The following DSG3 variants were observed in gnomAD, a reference collection of about 807,000 sequenced individuals.
DSG3 encodes desmoglein 3.
A neutral mutation model predicts 85.9 loss-of-function variants in DSG3; 63 were observed. That is an observed-to-expected ratio of 0.73 (90% confidence interval 0.60 to 0.90). DSG3 has a LOEUF of 0.90. Among genes scored for constraint, DSG3 ranks in the 40% least tolerant of loss-of-function variants. The pLI is 0.00. For missense variants in DSG3, 1,220 were observed against 1,219.9 expected (o/e 1.00, Z 0.00); for synonymous variants, 447 against 441.9 (o/e 1.01, Z -0.14).
chr18:31,453,221 T>C (rs2072721732), intron 1 of DSG3, among the ~76,000 whole-genome samples: 1 of 152,214 alleles, frequency 6.6e-6, no homozygotes, highest in Non-Finnish European at 1.5e-5. Context: ...AAATCATGTT[T>C]AAAATTTGGA....
rs185671499 is a variant in DSG3, at chr18:31,470,246, A to G, written c.1897+897A>G. ...CACAGTTTTAGAGTTAAAATTAATT[A>G]TATGATTATTAATTTTAAAACCACA... On this transcript the variant is annotated intron_variant, in intron 12 of 15. Coordinates refer to ENST00000257189, the MANE Select transcript of DSG3 (RefSeq NM_001944.3). 1.0e-3 allele frequency among the ~76,000 whole-genome samples: 158 copies of G among 152,284 alleles called. 1 individual carries two copies. Among genetic ancestry groups the G allele is most frequent in the African/African-American group, 3.8e-3 (156 of 41,590 alleles).
intron 1 of DSG3, among the ~76,000 whole-genome samples, chr18:31,450,646 G>C (rs1003334144): frequency 1.5e-4 from 23 of 152,256 alleles, no homozygotes; most frequent in African/African-American, 5.1e-4. Flanking sequence ...AGAAATAATA[G>C]CAAAGTCATA....
chr18:31,472,864 A>G, intron 14 of DSG3, 76 bp downstream of exon 14: 1 of 1,331,024 alleles, frequency 7.5e-7, no homozygotes, highest in Non-Finnish European at 1.1e-6. Context: ...TGTTCAAACT[A>G]TCTTCTTAAT....
At chr18:31,458,275 G>A (rs932757201) in intron 3 of DSG3, among the ~76,000 whole-genome samples, 170 bp from the exon 4 acceptor site, 3 of 152,028 alleles carry the variant, frequency 2.0e-5, no homozygotes, top group African/African-American at 7.2e-5. Context: ...CAAAAACAAC[G>A]GTTTGATTTT....
In DSG3 at chr18:31,461,370, A is replaced by C; in HGVS notation, c.957A>C (p.Gln319His). 1 of 1,613,834 alleles carries C rather than the reference A, an allele frequency of 6.2e-7. No individual in the cohort carries two copies. The highest frequency in any genetic ancestry group is 8.5e-7 in the Non-Finnish European group (1 of 1,179,856). The change falls in exon 8 of 16, where the codon CAA (glutamine) becomes CAC (histidine). Residue 319 changes from glutamine (Q) to histidine (H), a missense_variant. Physicochemically the swap from Gln to His is conservative, Grantham distance 24. Transcript: ENST00000257189. ...ATGAAGGAAATTGGTTTGAAATACA[A>C]ACTGATCCTAGAACTAATGAAGGCA... is the stretch of plus-strand genomic sequence containing the variant. ...SGNEGNWFEI[Q>H]TDPRTNEGIL... is the part of the protein sequence containing the mutation.
At chr18:31,463,027 T>A (rs2072795818) in intron 8 of DSG3, among the ~76,000 whole-genome samples, 1 of 152,142 alleles carries the variant, frequency 6.6e-6, no homozygotes, top group Admixed American at 6.5e-5. Flanking sequence ...ACTCCTCAGG[T>A]GACTCTACAG....
chr18:31,451,160 T>C (rs977617522), intron 1 of DSG3, among the ~76,000 whole-genome samples: 1 of 152,292 alleles, frequency 6.6e-6, no homozygotes, highest in East Asian at 1.9e-4. Flanking sequence ...AAAGGACTCA[T>C]GGTTGAAAAT....
At chr18:31,465,657 C>T (rs969226062) in intron 10 of DSG3, among the ~76,000 whole-genome samples, 200 bp downstream of exon 10, 1 of 152,118 alleles carries the variant, frequency 6.6e-6, no homozygotes, top group Non-Finnish European at 1.5e-5. Context: ...GGAGATTGAA[C>T]CAGTGAATTC....
At chr18:31,461,120 G>T (rs2072782547) in intron 7 of DSG3, 107 bp from the exon 8 acceptor site, 1 of 1,241,280 alleles carries the variant, frequency 8.1e-7, no homozygotes, top group African/African-American at 1.5e-5. Context: ...GTAATAAGAA[G>T]AAGGAAATAC....
chr18:31,465,556 C>CT, intron 10 of DSG3, 99 bp downstream of exon 10: 2 of 1,105,416 alleles, frequency 1.8e-6, no homozygotes, highest in Non-Finnish European at 2.4e-6. Context: ...ATCTTTACCA[C>CT]TGGAGAGAGA....
Position 31,460,910 on chromosome 18 carries a change from T to A in DSG3, c.762T>A (p.Asn254Lys). 1.2e-6 allele frequency: 2 copies of A among 1,605,084 alleles called. No individual in the cohort carries two copies. The highest frequency in any genetic ancestry group is 1.7e-6 in the Non-Finnish European group (2 of 1,177,328). ...GEGLSTQCEC[N>K]IKVKDVNDNF... The stretch of plus-strand genomic sequence containing the variant: ...GACTATCAACTCAATGTGAATGTAA[T>A]ATTAAAGTGAAAGATGTCAACGATA... Residue 254 changes from asparagine (N) to lysine (K), a missense_variant, in exon 7 of 16, where the codon AAT (asparagine) becomes AAA (lysine). By Grantham distance (94) the Asn-to-Lys change is moderately conservative. Coordinates refer to ENST00000257189, the MANE Select transcript of DSG3 (RefSeq NM_001944.3).
chr18:31,457,087 AAGG>A lies in DSG3; in HGVS notation c.182_184del (p.Gly61del). 1.9e-6 allele frequency: 3 copies of A among 1,613,158 alleles called. No homozygotes were observed. Among genetic ancestry groups the A allele is most frequent in the East Asian group, 2.2e-5 (1 of 44,792 alleles). On this transcript the variant is annotated inframe_deletion, in exon 3 of 16. Transcript: ENST00000257189. ...GTGAAATTTGCCAAACCCTGCAGAGAAGGAGAAGATAACTCAAAAAGAAACCCA... is the reference window on the plus strand; with the variant it reads ...GTGAAATTTGCCAAACCCTGCAGAGAAGAAGATAACTCAAAAAGAAACCCA...
At chr18:31,461,050 A>T in intron 7 of DSG3, 89 bp downstream of exon 7, 1 of 1,364,286 alleles carries the variant, frequency 7.3e-7, no homozygotes, top group Non-Finnish European at 9.8e-7. Context: ...GTTGGCTTTT[A>T]TTTAAGTTCT....
chr18:31,468,143 A>T (rs2072833289), intron 11 of DSG3, among the ~76,000 whole-genome samples: 1 of 152,214 alleles, frequency 6.6e-6, no homozygotes, highest in Non-Finnish European at 1.5e-5. Context: ...GATCCACTTT[A>T]AAAAGGCAAC....
Position 31,466,520 on chromosome 18 carries a change from G to A in DSG3, c.1412-10G>A, listed in dbSNP as rs1339753402. 6.2e-7 allele frequency: 1 copy of A among 1,611,188 alleles called. No homozygotes were observed. The highest frequency in any genetic ancestry group is 8.5e-7 in the Non-Finnish European group (1 of 1,177,520). ...TACATTTCTTTAACTCTAAAACATTGTTCTTACAGAATACACGGGTAAAAC... is the reference window on the plus strand; with the variant it reads ...TACATTTCTTTAACTCTAAAACATTATTCTTACAGAATACACGGGTAAAAC... On this transcript the variant is annotated splice_polypyrimidine_tract_variant and intron_variant, in intron 10 of 15. Transcript: ENST00000257189.
chr18:31,457,254 C>T, intron 3 of DSG3, 130 bp downstream of exon 3: 1 of 675,132 alleles, frequency 1.5e-6, no homozygotes, highest in East Asian at 3.1e-5. Flanking sequence ...CTGGTATCCT[C>T]AACAAAATAG....
At chr18:31,463,844 T>C (rs559177139) in intron 8 of DSG3, among the ~76,000 whole-genome samples, 1 of 152,294 alleles carries the variant, frequency 6.6e-6, no homozygotes, top group African/African-American at 2.4e-5. Flanking sequence ...TGGGGTTCTT[T>C]CCACTGCACC....
At chr18:31,468,295 T>C (rs2072834345) in intron 11 of DSG3, among the ~76,000 whole-genome samples, 1 of 152,098 alleles carries the variant, frequency 6.6e-6, no homozygotes, top group Non-Finnish European at 1.5e-5. Context: ...GCAGCCAAAG[T>C]TGAAAGTCTT....
intron 15 of DSG3, among the ~76,000 whole-genome samples, chr18:31,474,608 A>T (rs980020275): frequency 2.0e-5 from 3 of 152,168 alleles, no homozygotes; most frequent in African/African-American, 7.2e-5. Context: ...GAAGAATGGG[A>T]GCCAGGCACA....
Sources: gnomAD v4.1 joint callset for allele counts (sites outside exome capture counted in the v4.1 genomes callset) on GRCh38, gnomAD v4.1.1 for gene constraint, MANE v1.5 for transcripts, NCBI Gene and HGNC (gene_info 2026-07-23, HGNC 2026-07-21) for gene names.